The following KCNU1 variants were observed in gnomAD, a reference collection of about 807,000 sequenced individuals.
KCNU1 encodes potassium calcium-activated channel subfamily U member 1, also known as potassium channel subfamily U member 1.
Under a neutral mutation model 126.8 loss-of-function variants are expected in KCNU1, and 93 were observed. That is an observed-to-expected ratio of 0.73 (90% CI 0.62 to 0.87). The LOEUF is 0.87. Among genes scored for constraint, KCNU1 ranks in the 40% least tolerant of loss-of-function variants. KCNU1 has a pLI of 0.00. For missense variants in KCNU1, 1,330 were observed against 1,367.1 expected (o/e 0.97, Z 0.43); for synonymous variants, 523 against 494.2 (o/e 1.06, Z -0.77).
In KCNU1 at chr8:36,918,445, C is replaced by T. The variant is rs528250266; in HGVS notation, c.2522-378C>T. Among the ~76,000 whole-genome samples, 11 of 151,394 alleles carry T rather than the reference C, an allele frequency of 7.3e-5. 1 individual carries two copies. Among genetic ancestry groups the T allele is most frequent in the Admixed American group, 4.0e-4 (6 of 15,142 alleles). On this transcript the variant is annotated intron_variant, in intron 22 of 26. Coordinates refer to ENST00000399881, the MANE Select transcript of KCNU1 (RefSeq NM_001031836.3). ...AGGCATGTGCCAGAAGTCCTAGCTA[C>T]TCAGGAGGCTGAGGCAGCAGGATCA... is the stretch of plus-strand genomic sequence containing the variant.
At position 36,845,612 on chromosome 8, in the gene KCNU1, G is replaced by T. The variant is rs1322343262; in HGVS notation, c.1736G>T (p.Arg579Met). Residue 579 changes from arginine (R) to methionine (M), a missense_variant, in exon 17 of 27, where the codon AGG (arginine) becomes ATG (methionine). By Grantham distance (91) the Arg-to-Met change is moderately conservative. Around this residue, in one of 3 missense-constraint regions of KCNU1, gnomAD observed 1,054 missense variants for 1,053.9 expected, o/e 1.00. Coordinates refer to ENST00000399881, the MANE Select transcript of KCNU1 (RefSeq NM_001031836.3). The part of the protein sequence containing the change: ...GLILNPPPQV[R>M]IRKNTLGFFI... ...ATACTAAATCCACCTCCACAAGTGAGGATACGTAAGAACACATTAGGGTTC... is the reference window on the plus strand; with the variant it reads ...ATACTAAATCCACCTCCACAAGTGATGATACGTAAGAACACATTAGGGTTC... 2.5e-6 allele frequency: 4 copies of T among 1,610,066 alleles called. No homozygotes were observed. The South Asian group carries it at 4.4e-5, about 18-fold the overall frequency.
chr8:36,812,018 C>A (rs1347425532), intron 7 of KCNU1, among the ~76,000 whole-genome samples: 1 of 151,904 alleles, frequency 6.6e-6, no homozygotes, highest in Non-Finnish European at 1.5e-5. Flanking sequence ...GAGCTGAGAT[C>A]ATGTCACTGC....
chr8:36,899,342 C>T (rs749380319), intron 19 of KCNU1, among the ~76,000 whole-genome samples: 1 of 151,974 alleles, frequency 6.6e-6, no homozygotes, highest in Non-Finnish European at 1.5e-5. Context: ...AAAACAGAGG[C>T]CATGAGTTTG....
rs766040567 is a variant in KCNU1 at position 36,935,804 on chromosome 8, A to G, written c.3334A>G (p.Thr1112Ala). 3 of 1,613,416 alleles carry G rather than the reference A, an allele frequency of 1.9e-6. No homozygotes were observed. The East Asian group carries it at 6.7e-5, about 36-fold the overall frequency. The part of the protein sequence containing the change: ...PKQIAWNQSR[T>A]NSIISSQIPL... Reference sequence around the variant, plus strand: ...GCAAATAGCATGGAATCAGAGTAGAACAAACAGTATTATATCATCTCAGAT... The same window carrying G: ...GCAAATAGCATGGAATCAGAGTAGAGCAAACAGTATTATATCATCTCAGAT... The change falls in exon 27 of 27, where the codon ACA becomes GCA. Residue 1112 changes from threonine (T) to alanine (A), a missense_variant. Physicochemically the swap from Thr to Ala is moderately conservative, Grantham distance 58. Transcript: ENST00000399881.
At chr8:36,830,458 T>C (rs1357279854) in intron 10 of KCNU1, among the ~76,000 whole-genome samples, 1 of 152,102 alleles carries the variant, frequency 6.6e-6, no homozygotes, top group African/African-American at 2.4e-5. Flanking sequence ...GAGGTGATTA[T>C]ATAAGTGTTG....
At chr8:36,843,034 G>A (rs971875682) in intron 16 of KCNU1, among the ~76,000 whole-genome samples, 1 of 152,026 alleles carries the variant, frequency 6.6e-6, no homozygotes, top group East Asian at 1.9e-4. Context: ...AATCTTCAAG[G>A]GTGAGCCTGA....
chr8:36,841,468 G>T (rs1056691665), intron 16 of KCNU1, among the ~76,000 whole-genome samples: 5 of 152,158 alleles, frequency 3.3e-5, no homozygotes, highest in Non-Finnish European at 5.9e-5. Flanking sequence ...GAGGCAGGCG[G>T]ATCACTTAAG....
intron 22 of KCNU1, among the ~76,000 whole-genome samples, chr8:36,914,858 A>G (rs1585558456): frequency 6.6e-6 from 1 of 152,362 alleles, no homozygotes; most frequent in East Asian, 1.9e-4. Flanking sequence ...TCTACAATTA[A>G]GCAATCTTTT....
chr8:36,813,892 T>A (rs757458407), intron 7 of KCNU1, among the ~76,000 whole-genome samples: 26 of 152,106 alleles, frequency 1.7e-4, no homozygotes, highest in African/African-American at 6.3e-4. Context: ...GGCTCCAGGA[T>A]GCAATGCTTG....
Position 36,910,963 on chromosome 8 carries a change from G to A in KCNU1, c.2365G>A (p.Ala789Thr). The change falls in exon 22 of 27, where the codon GCC becomes ACC. Residue 789 changes from alanine (A) to threonine (T), a missense_variant. Around this residue, in one of 3 missense-constraint regions of KCNU1, gnomAD observed 1,054 missense variants for 1,053.9 expected, o/e 1.00. Coordinates refer to ENST00000399881, the MANE Select transcript of KCNU1 (RefSeq NM_001031836.3). ...CALYSGDLHA[A>T]NIEQCSMCAV... ...ACTTTATTCTGGAGACCTCCATGCGGCCAACATAGAGCAATGCTCCATGTG... is the reference window on the plus strand; with the variant it reads ...ACTTTATTCTGGAGACCTCCATGCGACCAACATAGAGCAATGCTCCATGTG... 6.2e-7 allele frequency: 1 copy of A among 1,612,546 alleles called. No individual in the cohort carries two copies. The highest frequency in any genetic ancestry group is 1.1e-5 in the South Asian group (1 of 90,840).
chr8:36,793,403 T>A (rs1802975209), intron 2 of KCNU1, among the ~76,000 whole-genome samples: 2 of 151,706 alleles, frequency 1.3e-5, no homozygotes, highest in Admixed American at 6.6e-5. Flanking sequence ...GAAAAATCCA[T>A]CTCATGGATG....
At chr8:36,815,851 G>A (rs908037982) in intron 9 of KCNU1, among the ~76,000 whole-genome samples, 164 bp downstream of exon 9, 2 of 152,160 alleles carry the variant, frequency 1.3e-5, no homozygotes, top group African/African-American at 4.8e-5. Flanking sequence ...AATACCGTAA[G>A]AAAATGATAT....
Position 36,836,898 on chromosome 8 carries a change from G to A in KCNU1, c.1471G>A (p.Gly491Ser). 1 of 1,613,826 alleles carries A rather than the reference G, an allele frequency of 6.2e-7. No homozygotes were observed. The change falls in exon 14 of 27, where the codon GGC becomes AGC. Residue 491 changes from glycine to serine, a missense_variant. By Grantham distance (56) the Gly-to-Ser change is moderately conservative (BLOSUM62 0). This residue lies in a region of KCNU1 where 1,054 missense variants were observed against 1,053.9 expected (regional missense o/e 1.00). Coordinates refer to ENST00000399881, the MANE Select transcript of KCNU1 (RefSeq NM_001031836.3). ...GFIAQGCLVP[G>S]LCTFLTSLFV... is the part of the protein sequence containing the mutation. ...TATCGCCCAAGGCTGTTTGGTGCCA[G>A]GCTTGTGTACCTTCCTAACATCTCT...
intron 18 of KCNU1, among the ~76,000 whole-genome samples, chr8:36,855,163 G>C (rs1179146646): frequency 1.3e-5 from 2 of 152,116 alleles, no homozygotes; most frequent in Admixed American, 1.3e-4. Flanking sequence ...GCTTTACACA[G>C]TTCTGGGCAT....
chr8:36,928,852 T>C (rs567152619), intron 24 of KCNU1: 11 of 583,314 alleles, frequency 1.9e-5, no homozygotes, highest in South Asian at 1.0e-4. Context: ...TCAGAACCAC[T>C]CAGAGTGCCC....
chr8:36,845,987 C>A (rs984319266), intron 18 of KCNU1, 88 bp downstream of exon 18: 1 of 768,294 alleles, frequency 1.3e-6, no homozygotes, highest in Non-Finnish European at 2.2e-6. Flanking sequence ...TCTTAAAAGG[C>A]AATGTCCATT....
At chr8:36,821,559 TAA>T (rs952104682) in intron 10 of KCNU1, among the ~76,000 whole-genome samples, 5 of 152,116 alleles carry the variant, frequency 3.3e-5, no homozygotes, top group African/African-American at 1.2e-4. Context: ...GCTGATTCTA[TAA>T]AGAGATGAGA....
At chr8:36,919,716 T>A (rs1162376091) in intron 23 of KCNU1, among the ~76,000 whole-genome samples, 1 of 152,176 alleles carries the variant, frequency 6.6e-6, no homozygotes, top group South Asian at 2.1e-4. Flanking sequence ...TCAGAGATGA[T>A]CTCTAAAAAC....
intron 19 of KCNU1, among the ~76,000 whole-genome samples, chr8:36,880,539 G>A (rs1806438086): frequency 1.3e-5 from 2 of 152,148 alleles, no homozygotes; most frequent in African/African-American, 4.8e-5. Context: ...TGAAGGACAA[G>A]TGCAAAACTG....
Sources: gnomAD v4.1 joint callset for allele counts (sites outside exome capture counted in the v4.1 genomes callset) on GRCh38, gnomAD v4.1.1 for gene constraint, gnomAD v4.1.1 regional missense constraint, MANE v1.5 for transcripts, NCBI Gene and HGNC (gene_info 2026-07-23, HGNC 2026-07-21) for gene names.